Variants in NOX4 observed in about 807,000 individuals in gnomAD.
NOX4 encodes NADPH oxidase 4, also known as kidney oxidase-1.
In NOX4, 69 loss-of-function variants were observed where a neutral mutation model predicts 87.6. That is an observed-to-expected ratio of 0.79 (90% CI 0.65 to 0.96). The LOEUF is 0.96. Ranked by LOEUF, NOX4 falls within the 40% of genes least tolerant of loss-of-function variation. The pLI, the probability that NOX4 is intolerant of heterozygous loss-of-function variation, is 0.00. For missense variants in NOX4, 680 were observed against 681.5 expected (o/e 1.00, Z 0.02); for synonymous variants, 275 against 238.2 (o/e 1.15, Z -1.42).
the NOX4 span, among the ~76,000 whole-genome samples, chr11:89,531,196 G>C: frequency 1.2e-4 from 18 of 152,080 alleles, no homozygotes; most frequent in Non-Finnish European, 2.1e-4. Context: ...GACCCCAGAG[G>C]CTTATGTTTT....
At chr11:89,526,249 A>C in the NOX4 span, among the ~76,000 whole-genome samples, 6 of 152,280 alleles carry the variant, frequency 3.9e-5, no homozygotes, top group Admixed American at 2.0e-4. Context: ...AAACTTTTAA[A>C]ATTTTATATG....
At chr11:89,585,939 A>C in the NOX4 span, among the ~76,000 whole-genome samples, 1 of 152,196 alleles carries the variant, frequency 6.6e-6, no homozygotes, top group Admixed American at 6.6e-5. Context: ...AACATTTCCA[A>C]ATTCAACAAT....
chr11:89,489,826 C>T (rs1423654378), intron 2 of NOX4, among the ~76,000 whole-genome samples: 1 of 151,302 alleles, frequency 6.6e-6, no homozygotes, highest in Non-Finnish European at 1.5e-5. Flanking sequence ...GTTAAGCAGT[C>T]AAATAAGAAG....
intron 11 of NOX4, among the ~76,000 whole-genome samples, chr11:89,384,263 T>C (rs1940520513): frequency 1.3e-5 from 2 of 151,978 alleles, no homozygotes; most frequent in Admixed American, 6.6e-5. Context: ...TTACTATTCC[T>C]TTGCACCCTT....
At chr11:89,530,891 T>C in the NOX4 span, among the ~76,000 whole-genome samples, 34 of 152,192 alleles carry the variant, frequency 2.2e-4, no homozygotes, top group African/African-American at 8.2e-4. Flanking sequence ...GTAGAGAAAA[T>C]AAGAAACGTA....
intron 13 of NOX4, among the ~76,000 whole-genome samples, chr11:89,343,106 TTGG>T (rs1946074272): frequency 6.6e-6 from 1 of 152,082 alleles, no homozygotes; most frequent in Admixed American, 6.6e-5. Context: ...AAGCTACTCT[TTGG>T]TGTTTTGAAA....
the NOX4 span, chr11:89,533,890 G>GGATGTGATGTTTCAGGATGTGAA: frequency 2.0e-5 from 3 of 152,216 alleles, no homozygotes; most frequent in Admixed American, 2.0e-4. Context: ...CCCTGAAACA[G>GGATGTGATGTTTCAGGATGTGAA]ACGACTATGG....
chr11:89,506,473 A>C, the NOX4 span, among the ~76,000 whole-genome samples: 39 of 151,924 alleles, frequency 2.6e-4, no homozygotes, highest in Non-Finnish European at 4.7e-4. Context: ...GCCTACAACT[A>C]TAAAATACCT....
rs67016761 is a variant in NOX4, at chr11:89,420,287, CT to C, written c.629+1614del. On this transcript the variant is annotated intron_variant, in intron 8 of 17. Transcript: ENST00000263317. ...GTATGTGAAGCATTTTGAATTTATA[CT>C]TAGCATAGAGTAAGCATTATGTAAC... Among the ~76,000 whole-genome samples, 864 of 152,242 alleles carry C rather than the reference CT, an allele frequency of 5.7e-3. 7 individuals carry two copies. Among genetic ancestry groups the C allele is most frequent in the Middle Eastern group, 0.014 (4 of 294 alleles).
intron 8 of NOX4, among the ~76,000 whole-genome samples, chr11:89,413,790 C>T (rs899845555): frequency 1.2e-4 from 18 of 151,946 alleles, no homozygotes; most frequent in African/African-American, 4.3e-4. Context: ...GTATGTAACA[C>T]AAAGAAAAGA....
At chr11:89,438,890 ATAT>A (rs1944308061) in intron 6 of NOX4, among the ~76,000 whole-genome samples, 2 of 53,688 alleles carry the variant, frequency 3.7e-5, no homozygotes, top group Non-Finnish European at 5.7e-5. Flanking sequence ...ATAATATATT[ATAT>A]ATTATATATA....
chr11:89,476,589 T>C (rs1244020852), intron 2 of NOX4, among the ~76,000 whole-genome samples: 1 of 152,184 alleles, frequency 6.6e-6, no homozygotes, highest in African/African-American at 2.4e-5. Context: ...GAACAACTTA[T>C]TTGTGCTCCT....
chr11:89,537,681 T>C, the NOX4 span, among the ~76,000 whole-genome samples: 167 of 152,244 alleles, frequency 1.1e-3, no homozygotes, highest in African/African-American at 3.6e-3. Flanking sequence ...TTACCTGTAC[T>C]ATCGAATTGA....
At chr11:89,523,116 C>T in the NOX4 span, among the ~76,000 whole-genome samples, 867 of 152,194 alleles carry the variant, frequency 5.7e-3, 10 homozygotes, top group African/African-American at 0.02. Flanking sequence ...CCCCCACCTC[C>T]GGGTTCAAGT....
At chr11:89,423,775 T>G (rs1203950918) in intron 7 of NOX4, among the ~76,000 whole-genome samples, 2 of 151,370 alleles carry the variant, frequency 1.3e-5, no homozygotes, top group African/African-American at 4.8e-5. Flanking sequence ...TATTGAGGGG[T>G]CAGGCATGGT....
At chr11:89,418,001 T>C (rs1007738827) in intron 8 of NOX4, among the ~76,000 whole-genome samples, 2 of 152,168 alleles carry the variant, frequency 1.3e-5, no homozygotes, top group Non-Finnish European at 1.5e-5. Context: ...AAAAGAAACA[T>C]CTAGTTTAGT....
chr11:89,447,923 A>C (rs1363776517), intron 4 of NOX4, among the ~76,000 whole-genome samples: 1 of 152,138 alleles, frequency 6.6e-6, no homozygotes, highest in Non-Finnish European at 1.5e-5. Context: ...AGATAAAACA[A>C]TGAAGTTACC....
At chr11:89,465,417 C>A (rs959218572) in intron 2 of NOX4, among the ~76,000 whole-genome samples, 1 of 152,148 alleles carries the variant, frequency 6.6e-6, no homozygotes, top group Non-Finnish European at 1.5e-5. Flanking sequence ...CAAGTCTTTG[C>A]TATTGTTAAC....
chr11:89,444,048 G>C, intron 5 of NOX4, 87 bp downstream of exon 5: 1 of 1,090,528 alleles, frequency 9.2e-7, no homozygotes, highest in Non-Finnish European at 1.4e-6. Flanking sequence ...GGAGCAGTAA[G>C]GTACAAATTT....
Sources: gnomAD v4.1 joint callset for allele counts (sites outside exome capture counted in the v4.1 genomes callset) on GRCh38, gnomAD v4.1.1 for gene constraint, MANE v1.5 for transcripts, NCBI Gene and HGNC (gene_info 2026-07-23, HGNC 2026-07-21) for gene names.